Variants in PDS5A observed in about 807,000 individuals in gnomAD.
The protein encoded by PDS5A is sister chromatid cohesion protein PDS5 homolog A.
PDS5A carries 42 observed loss-of-function variants against 167.1 expected under a neutral mutation model. That is an observed-to-expected ratio of 0.25 (90% CI 0.20 to 0.33). The LOEUF (loss-of-function observed/expected upper bound fraction) is 0.33, where lower values mean the gene tolerates loss of function less well. Among genes scored for constraint, PDS5A ranks in the 10% least tolerant of loss-of-function variants. The pLI, the probability that PDS5A is intolerant of heterozygous loss-of-function variation, is 1.00. For missense variants in PDS5A, 1,033 were observed against 1,605.9 expected (o/e 0.64, Z 6.10); for synonymous variants, 553 against 554.6 (o/e 1.00, Z 0.04).
In PDS5A at chr4:39,841,961, G is replaced by C; in HGVS notation, c.3644C>G (p.Pro1215Arg). 1 of 1,558,816 alleles carries C rather than the reference G, an allele frequency of 6.4e-7. No homozygotes were observed. The change falls in exon 31 of 33, where the codon CCA becomes CGA. Residue 1215 changes from proline to arginine, a missense_variant. Around this residue, in one of 4 missense-constraint regions of PDS5A, gnomAD observed 233 missense variants for 264.0 expected, o/e 0.88. Transcript: ENST00000303538. ...ISVTPVKNID[P>R]VKNKEINSDQ... is the part of the protein sequence containing the mutation. ...TTTAAAATTTACCTTATTCTTTACT[G>C]GGTCAATATTCTTTACAGGTGTGAC...
At position 39,868,704 on chromosome 4, in the gene PDS5A, C is replaced by A. The variant is rs1028167151; in HGVS notation, c.2505+690G>T. Reference sequence around the variant, plus strand: ...CAGGTTGGTCTTGAACTCTTGGGCTCAAGCGATCCTCCTGCTCTGCCTCCC... The same window carrying A: ...CAGGTTGGTCTTGAACTCTTGGGCTAAAGCGATCCTCCTGCTCTGCCTCCC... On this transcript the variant is annotated intron_variant, in intron 22 of 32. Transcript: ENST00000303538. The A allele has an allele frequency of 8.6e-5, 39 of 454,048 alleles. 1 individual carries two copies. Among genetic ancestry groups the A allele is most frequent in the Middle Eastern group, 6.2e-4 (1 of 1,626 alleles). The allele number at this position is 454,048 out of a possible 1,614,324, so 28.1% of individuals were successfully genotyped here. A position where few individuals can be genotyped will look rare whatever the true frequency, so the allele number is the denominator to read the frequency against.
intron 8 of PDS5A, among the ~76,000 whole-genome samples, chr4:39,916,722 T>G (rs1486529533): frequency 6.6e-6 from 1 of 151,934 alleles, no homozygotes; most frequent in Non-Finnish European, 1.5e-5. Flanking sequence ...AAAAATTATA[T>G]GGGCATGGTG....
At position 39,824,942 on chromosome 4, in the gene PDS5A, A is replaced by G. The variant is rs536740842; in HGVS notation, c.*543T>C. Reference sequence around the variant, plus strand: ...TTTTTGCAGAAAAGTAGGCAGGCAGAAAGAATTATACATAAAAGTTTCCAA... The same window carrying G: ...TTTTTGCAGAAAAGTAGGCAGGCAGGAAGAATTATACATAAAAGTTTCCAA... On this transcript the variant is annotated 3_prime_UTR_variant, in exon 33 of 33. Transcript: ENST00000303538. 6.5e-6 allele frequency: 1 copy of G among 152,786 alleles called. No homozygotes were observed. The highest frequency in any genetic ancestry group is 1.9e-4 in the East Asian group (1 of 5,192). The allele number at this position is 152,786 out of a possible 1,614,324, so 9.5% of individuals were successfully genotyped here. A position where few individuals can be genotyped will look rare whatever the true frequency, so the allele number is the denominator to read the frequency against.
At chr4:39,913,782 A>G in intron 8 of PDS5A, 56 bp from the exon 9 acceptor site, 1 of 906,106 alleles carries the variant, frequency 1.1e-6, no homozygotes, top group Non-Finnish European at 1.9e-6. Flanking sequence ...ATTACAGAAA[A>G]TATCTTGAAA....
chr4:39,882,723 C>G (rs1036541395), intron 17 of PDS5A, among the ~76,000 whole-genome samples: 4 of 152,152 alleles, frequency 2.6e-5, no homozygotes, highest in Non-Finnish European at 5.9e-5. Context: ...CAGTATGCGT[C>G]AAGGAGCTAT....
chr4:39,945,640 T>G (rs1281922994), intron 2 of PDS5A, among the ~76,000 whole-genome samples: 1 of 152,046 alleles, frequency 6.6e-6, no homozygotes, highest in East Asian at 1.9e-4. Flanking sequence ...TAAGTGATTA[T>G]GTTCCCAGGC....
intron 17 of PDS5A, among the ~76,000 whole-genome samples, chr4:39,888,884 A>C (rs1721725906): frequency 1.3e-5 from 2 of 152,190 alleles, no homozygotes; most frequent in Non-Finnish European, 2.9e-5. Flanking sequence ...TTAATAGCTA[A>C]AGAGAATTTG....
At chr4:39,945,866 A>G (rs1331645764) in intron 2 of PDS5A, among the ~76,000 whole-genome samples, 1 of 152,148 alleles carries the variant, frequency 6.6e-6, no homozygotes, top group Non-Finnish European at 1.5e-5. Flanking sequence ...ATAAAATAAA[A>G]CACAGCAGTT....
intron 25 of PDS5A, 50 bp downstream of exon 25, chr4:39,862,819 G>A: frequency 8.5e-7 from 1 of 1,175,804 alleles, no homozygotes; most frequent in Non-Finnish European, 1.2e-6. Flanking sequence ...ACCTAAAAAT[G>A]GATACATTGA....
chr4:39,881,351 G>GTT (rs777984259), intron 17 of PDS5A, among the ~76,000 whole-genome samples: 5 of 143,448 alleles, frequency 3.5e-5, no homozygotes, highest in Non-Finnish European at 4.6e-5. Flanking sequence ...GTATTTTTTA[G>GTT]TTTTTTTTTT....
At chr4:39,866,025 T>G (rs1719416976) in intron 23 of PDS5A, among the ~76,000 whole-genome samples, 1 of 151,534 alleles carries the variant, frequency 6.6e-6, no homozygotes, top group Non-Finnish European at 1.5e-5. Context: ...AAACAATCTC[T>G]GTGTGCACAT....
intron 10 of PDS5A, among the ~76,000 whole-genome samples, chr4:39,909,642 A>G (rs1723723516): frequency 6.6e-6 from 1 of 152,228 alleles, no homozygotes. Context: ...ATTCTTAAAT[A>G]ATTTATAATA....
At chr4:39,867,729 C>A (rs903904979) in intron 22 of PDS5A, among the ~76,000 whole-genome samples, 2 of 96,554 alleles carry the variant, frequency 2.1e-5, no homozygotes, top group African/African-American at 8.7e-5. Flanking sequence ...CATAAAAAAA[C>A]CAAAACACAC....
intron 14 of PDS5A, among the ~76,000 whole-genome samples, chr4:39,899,851 TAAAAA>T (rs532738160): frequency 2.0e-5 from 2 of 102,410 alleles, no homozygotes; most frequent in East Asian, 2.5e-4. Flanking sequence ...TCCTGTGTAT[TAAAAA>T]AAAAAAAAAA....
At chr4:39,925,713 A>T in intron 5 of PDS5A, 123 bp downstream of exon 5, 1 of 375,720 alleles carries the variant, frequency 2.7e-6, no homozygotes. Context: ...CTTTATGTTA[A>T]GTTTTCTAAG....
chr4:39,969,766 TATTC>T (rs1468019898), intron 2 of PDS5A, among the ~76,000 whole-genome samples: 4 of 151,934 alleles, frequency 2.6e-5, no homozygotes, highest in Admixed American at 2.0e-4. Flanking sequence ...TAATACAAAA[TATTC>T]ATTCATTCAC....
chr4:39,973,313 G>A lies in PDS5A; in HGVS notation c.138+3127C>T. On this transcript the variant is annotated intron_variant, in intron 2 of 32. Coordinates refer to ENST00000303538, the MANE Select transcript of PDS5A (RefSeq NM_001100399.2). Reference sequence around the variant, plus strand: ...AACATGGAAGCAGTCAAAGGTTCCTGACCTTGTACATGAACAGCAGGCTGT... The same window carrying A: ...AACATGGAAGCAGTCAAAGGTTCCTAACCTTGTACATGAACAGCAGGCTGT... 2.5e-6 allele frequency: 4 copies of A among 1,607,088 alleles called. No homozygotes were observed. In the South Asian group the frequency reaches 4.4e-5, roughly 18 times the overall value.
At chr4:39,844,837 C>T (rs1208523865) in intron 29 of PDS5A, 36 bp from the exon 30 acceptor site, 8 of 1,577,538 alleles carry the variant, frequency 5.1e-6, no homozygotes, top group Admixed American at 2.0e-5. Flanking sequence ...CAAAAACACA[C>T]ACGTTTATAC....
chr4:39,914,412 G>A (rs1724171931), intron 8 of PDS5A, among the ~76,000 whole-genome samples: 2 of 151,740 alleles, frequency 1.3e-5, no homozygotes, highest in African/African-American at 2.4e-5. Flanking sequence ...CAACCACCTC[G>A]GCCTCCCAAA....
Sources: gnomAD v4.1 joint callset for allele counts (sites outside exome capture counted in the v4.1 genomes callset) on GRCh38, gnomAD v4.1.1 for gene constraint, gnomAD v4.1.1 regional missense constraint, MANE v1.5 for transcripts, NCBI Gene and HGNC (gene_info 2026-07-23, HGNC 2026-07-21) for gene names.